SEMA3A: variants seen among roughly 807,000 people sequenced by gnomAD.
SEMA3A encodes semaphorin-3A.
Under a neutral mutation model 97.9 loss-of-function variants are expected in SEMA3A, and 29 were observed. The ratio of observed to expected loss-of-function variants is 0.30; its 90% CI spans 0.22 to 0.40. SEMA3A has a LOEUF of 0.40. Among genes scored for constraint, SEMA3A ranks in the 10% least tolerant of loss-of-function variants. The pLI, the probability that SEMA3A is intolerant of heterozygous loss-of-function variation, is 1.00. For synonymous variants in SEMA3A, 321 were observed against 323.7 expected, an observed-to-expected ratio of 0.99 and a Z score of 0.09; for missense variants, 763 against 951.3, an observed-to-expected ratio of 0.80 and a Z score of 2.60.
intron 9 of SEMA3A, among the ~76,000 whole-genome samples, chr7:84,009,905 CAAAAAAAA>C (rs3074687): frequency 5.5e-5 from 5 of 91,708 alleles, no homozygotes; most frequent in East Asian, 6.3e-4. Flanking sequence ...ACACTGGTTA[CAAAAAAAA>C]AAAAAAAAAA....
chr7:84,270,352 T>C (rs1255052549), intron 3 of SEMA3A, among the ~76,000 whole-genome samples: 1 of 151,946 alleles, frequency 6.6e-6, no homozygotes, highest in East Asian at 1.9e-4. Context: ...TTACCTACTG[T>C]GCAAGAGAAT....
chr7:83,996,300 C>CTTTTTT (rs35148121), intron 12 of SEMA3A, among the ~76,000 whole-genome samples: 23 of 111,992 alleles, frequency 2.1e-4, no homozygotes, highest in African/African-American at 5.6e-4. Flanking sequence ...TACTAGTAAT[C>CTTTTTT]TTTTTTTTTT....
intron 5 of SEMA3A, among the ~76,000 whole-genome samples, chr7:84,054,460 T>A (rs968277677): frequency 4.6e-5 from 7 of 151,916 alleles, no homozygotes; most frequent in Non-Finnish European, 1.0e-4. Context: ...CATTTCATCT[T>A]CCATCGCTGA....
intron 2 of SEMA3A, among the ~76,000 whole-genome samples, chr7:84,335,178 T>C (rs1802006918): frequency 6.6e-6 from 1 of 152,176 alleles, no homozygotes; most frequent in Non-Finnish European, 1.5e-5. Context: ...TATTTTTCTC[T>C]ACTATTAATT....
At chr7:84,238,388 A>C (rs1799284038) in intron 3 of SEMA3A, among the ~76,000 whole-genome samples, 1 of 152,090 alleles carries the variant, frequency 6.6e-6, no homozygotes, top group African/African-American at 2.4e-5. Context: ...TTTCAACTGA[A>C]CTTGAGTACA....
At chr7:84,241,449 G>A (rs1235604046) in intron 3 of SEMA3A, among the ~76,000 whole-genome samples, 4 of 152,082 alleles carry the variant, frequency 2.6e-5, no homozygotes, top group East Asian at 3.8e-4. Context: ...TTTTGATGGA[G>A]TTGTTTATTT....
At chr7:84,234,945 G>T (rs1047304754) in intron 3 of SEMA3A, among the ~76,000 whole-genome samples, 1 of 151,944 alleles carries the variant, frequency 6.6e-6, no homozygotes, top group South Asian at 2.1e-4. Context: ...ACTAATATCA[G>T]TTAATATCCC....
Position 84,379,550 on chromosome 7 carries a change from A to G in SEMA3A, c.-245-7650T>C, listed in dbSNP as rs1427236540. On this transcript the variant is annotated intron_variant, in intron 1 of 3. Transcript: ENST00000424555. The stretch of plus-strand genomic sequence containing the variant: ...AACAGGCACATTACTGAATTCATCT[A>G]TAAAACATATGAACATAATTGTATC... 2.6e-5 allele frequency among the ~76,000 whole-genome samples: 4 copies of G among 152,210 alleles called. No individual in the cohort carries two copies. In the East Asian group the frequency reaches 7.7e-4, roughly 29 times the overall value.
intron 1 of SEMA3A, among the ~76,000 whole-genome samples, chr7:84,182,295 C>G (rs1378208171): frequency 1.3e-5 from 2 of 152,026 alleles, no homozygotes; most frequent in Non-Finnish European, 2.9e-5. Context: ...TTCAATACTC[C>G]TTAAGTTGTC....
intron 4 of SEMA3A, among the ~76,000 whole-genome samples, chr7:84,086,469 A>G (rs1405039967): frequency 9.3e-6 from 1 of 107,144 alleles, no homozygotes; most frequent in Non-Finnish European, 1.8e-5. Context: ...CATATATAAT[A>G]TGTATTATTA....
intron 3 of SEMA3A, among the ~76,000 whole-genome samples, chr7:84,239,602 A>G (rs1418268294): frequency 6.6e-6 from 1 of 152,178 alleles, no homozygotes; most frequent in Non-Finnish European, 1.5e-5. Flanking sequence ...TGCCAATTAT[A>G]TTTTATAGTT....
rs118132264 is a variant in SEMA3A, at chr7:84,367,206, G to C, written c.-169+4618C>G. On this transcript the variant is annotated intron_variant, in intron 2 of 3. Coordinates refer to the SEMA3A transcript ENST00000424555. ...TAATAAAAAATAAACGTATAGGTGA[G>C]ATGTGGAATTACCAATTATGAATGT... Among the ~76,000 whole-genome samples the C allele has an allele frequency of 0.014, 2,076 of 151,282 alleles. 72 individuals carry two copies. The East Asian group carries it at 0.14, about 10-fold the overall frequency.
intron 12 of SEMA3A, among the ~76,000 whole-genome samples, chr7:83,997,328 CAAAG>C (rs1480435326): frequency 1.3e-5 from 2 of 152,062 alleles, no homozygotes; most frequent in Non-Finnish European, 2.9e-5. Flanking sequence ...CGAATAGAAA[CAAAG>C]AAACTGTAAA....
intron 6 of SEMA3A, among the ~76,000 whole-genome samples, chr7:84,031,935 A>G (rs2116466550): frequency 6.6e-6 from 1 of 152,368 alleles, no homozygotes; most frequent in East Asian, 1.9e-4. Flanking sequence ...CTACAGATAA[A>G]AACATTGGTA....
chr7:84,453,361 C>T (rs1431291043), intron 1 of SEMA3A, among the ~76,000 whole-genome samples: 1 of 151,674 alleles, frequency 6.6e-6, no homozygotes, highest in East Asian at 1.9e-4. Flanking sequence ...CTCAGCCTCC[C>T]GAGTAGCTGG....
intron 1 of SEMA3A, among the ~76,000 whole-genome samples, chr7:84,481,681 A>G (rs531437443): frequency 6.6e-6 from 1 of 152,154 alleles, no homozygotes; most frequent in Non-Finnish European, 1.5e-5. Context: ...TCAGCTAATT[A>G]TATTGCACCA....
chr7:84,373,393 CTCTTAGG>C (rs1330709178), intron 1 of SEMA3A, among the ~76,000 whole-genome samples: 1 of 152,164 alleles, frequency 6.6e-6, no homozygotes, highest in Non-Finnish European at 1.5e-5. Context: ...AACTAGGCAT[CTCTTAGG>C]AAATGTCCGC....
chr7:84,089,015 A>G (rs1344650589), intron 4 of SEMA3A, among the ~76,000 whole-genome samples: 1 of 152,112 alleles, frequency 6.6e-6, no homozygotes, highest in African/African-American at 2.4e-5. Context: ...AAGAGTAAAA[A>G]AAAAAAGGCA....
chr7:84,068,795 A>G (rs1416601632), intron 4 of SEMA3A, among the ~76,000 whole-genome samples: 1 of 152,100 alleles, frequency 6.6e-6, no homozygotes, highest in African/African-American at 2.4e-5. Context: ...AAAGGATTAG[A>G]ACTCATAGGA....
Sources: gnomAD v4.1 joint callset for allele counts (sites outside exome capture counted in the v4.1 genomes callset) on GRCh38, gnomAD v4.1.1 for gene constraint, MANE v1.5 for transcripts, NCBI Gene and HGNC (gene_info 2026-07-23, HGNC 2026-07-21) for gene names.